The following PRKG1 variants were observed in gnomAD, a reference collection of about 807,000 sequenced individuals.
PRKG1 encodes the protein cGMP-dependent protein kinase 1.
In PRKG1, 35 loss-of-function variants were observed where a neutral mutation model predicts 88.1. The observed-to-expected ratio is 0.40, with a 90% CI of 0.30 to 0.53. The LOEUF (loss-of-function observed/expected upper bound fraction) is 0.53. Among genes scored for constraint, PRKG1 ranks in the 20% least tolerant of loss-of-function variants. The pLI is 0.59. For missense variants in PRKG1, 540 were observed against 839.8 expected (o/e 0.64, Z 4.41); for synonymous variants, 303 against 292.5 (o/e 1.04, Z -0.37).
chr10:51,897,821 C>T (rs767632975), intron 4 of PRKG1, among the ~76,000 whole-genome samples: 10 of 152,124 alleles, frequency 6.6e-5, no homozygotes, highest in Non-Finnish European at 1.2e-4. Context: ...TACCAGCATC[C>T]CCTTTTACTA....
intron 4 of PRKG1, among the ~76,000 whole-genome samples, chr10:51,864,832 G>T (rs1429061308): frequency 6.6e-6 from 1 of 152,076 alleles, no homozygotes; most frequent in Non-Finnish European, 1.5e-5. Context: ...TAATTGTCTT[G>T]ACTTCAACTT....
intron 5 of PRKG1, among the ~76,000 whole-genome samples, chr10:51,979,410 G>GTTTTTTTTTTTGTTT (rs1843937516): frequency 2.1e-5 from 1 of 47,056 alleles, no homozygotes; most frequent in Non-Finnish European, 3.6e-5. Flanking sequence ...ATATTGGTCT[G>GTTTTTTTTTTTGTTT]TTTTTTTTTT....
intron 5 of PRKG1, among the ~76,000 whole-genome samples, chr10:52,041,139 A>T (rs1490739625): frequency 6.6e-6 from 1 of 152,060 alleles, no homozygotes; most frequent in Non-Finnish European, 1.5e-5. Context: ...ACTTGTACTG[A>T]GGTACATATC....
rs1323331167 is a variant in PRKG1 at position 51,737,738 on chromosome 10, TTAATTATTATTA to T, written c.593-66845_593-66834del. On this transcript the variant is annotated intron_variant, in intron 3 of 17. Coordinates refer to ENST00000373980, the MANE Select transcript of PRKG1 (RefSeq NM_006258.4). ...ATTTATTTATTTATTTATTTATTTATTAATTATTATTATTATTATTATTATTATTATTATTAT... is the reference window on the plus strand; with the variant it reads ...ATTTATTTATTTATTTATTTATTTATTTATTATTATTATTATTATTATTAT... Among the ~76,000 whole-genome samples, 227 of 132,688 alleles carry T rather than the reference TTAATTATTATTA, an allele frequency of 1.7e-3. 1 individual carries two copies. Among genetic ancestry groups the T allele is most frequent in the African/African-American group, 5.9e-3 (210 of 35,778 alleles). 87.0% of individuals were successfully genotyped at this position (132,688 alleles called of 152,430 possible). A position where few individuals can be genotyped will look rare whatever the true frequency, so the allele number is the denominator to read the frequency against.
intron 9 of PRKG1, among the ~76,000 whole-genome samples, chr10:52,228,101 T>C (rs1449130015): frequency 6.6e-6 from 1 of 152,090 alleles, no homozygotes; most frequent in African/African-American, 2.4e-5. Context: ...AATTTGAAGG[T>C]CGAGTGTGGG....
intron 4 of PRKG1, among the ~76,000 whole-genome samples, chr10:51,815,048 T>A (rs1041877363): frequency 7.2e-5 from 11 of 152,210 alleles, no homozygotes; most frequent in Admixed American, 2.0e-4. Flanking sequence ...TTCATTGTGC[T>A]GGCCTCTCCC....
intron 2 of PRKG1, among the ~76,000 whole-genome samples, chr10:51,403,231 G>A (rs560443328): frequency 1.3e-5 from 2 of 152,268 alleles, no homozygotes; most frequent in Admixed American, 1.3e-4. Flanking sequence ...GCCATCAGAT[G>A]ATTTGCAAAG....
At chr10:51,982,214 C>T (rs531102892) in intron 5 of PRKG1, among the ~76,000 whole-genome samples, 1 of 152,154 alleles carries the variant, frequency 6.6e-6, no homozygotes, top group Non-Finnish European at 1.5e-5. Flanking sequence ...GCTCCTGTAT[C>T]ATTTTATTGT....
intron 14 of PRKG1, 110 bp downstream of exon 14, chr10:52,282,426 T>A: frequency 2.7e-6 from 3 of 1,095,016 alleles, no homozygotes; most frequent in Non-Finnish European, 3.7e-6. Flanking sequence ...CACCATATCT[T>A]GGTACCACAG....
intron 2 of PRKG1, among the ~76,000 whole-genome samples, chr10:51,165,299 AG>A (rs1846505296): frequency 6.6e-6 from 1 of 151,808 alleles, no homozygotes; most frequent in South Asian, 2.1e-4. Flanking sequence ...AGCCAAACTA[AG>A]CTTCATAAGT....
intron 2 of PRKG1, among the ~76,000 whole-genome samples, chr10:51,423,399 T>C (rs1838475053): frequency 6.6e-6 from 1 of 152,226 alleles, no homozygotes; most frequent in African/African-American, 2.4e-5. Context: ...TTTCTTCATA[T>C]CTCTTTGTCT....
At chr10:51,636,048 A>T (rs924532507) in intron 3 of PRKG1, among the ~76,000 whole-genome samples, 2 of 152,206 alleles carry the variant, frequency 1.3e-5, no homozygotes, top group African/African-American at 4.8e-5. Flanking sequence ...GATGAAATTT[A>T]TGAAGTCATA....
At position 52,148,957 on chromosome 10, in the gene PRKG1, C is replaced by CTTTTTTTTTTTTTTTTTTTTTTT. The variant is rs71904885; in HGVS notation, c.1002-12928_1002-12906dup. 1.3e-4 allele frequency among the ~76,000 whole-genome samples: 7 copies of CTTTTTTTTTTTTTTTTTTTTTTT among 55,166 alleles called. 1 individual carries two copies. The highest frequency in any genetic ancestry group is 5.3e-4 in the African/African-American group (7 of 13,332). 36.2% of individuals were successfully genotyped at this position (55,166 alleles called of 152,430 possible). A position where few individuals can be genotyped will look rare whatever the true frequency, so the allele number is the denominator to read the frequency against. ...TATTTGACCACAGAGGATAGTTTTG[C>CTTTTTTTTTTTTTTTTTTTTTTT]TTTTTTTTTTTTTTTTTTTTTTTTT... is the stretch of plus-strand genomic sequence containing the variant. On this transcript the variant is annotated intron_variant, in intron 8 of 17. Transcript: ENST00000373980.
intron 5 of PRKG1, among the ~76,000 whole-genome samples, chr10:51,919,937 A>G (rs1379601827): frequency 6.6e-6 from 1 of 152,182 alleles, no homozygotes; most frequent in African/African-American, 2.4e-5. Context: ...GTTGAATCAG[A>G]AGTCTGAGTA....
chr10:52,176,634 A>T (rs1187851675), intron 9 of PRKG1, among the ~76,000 whole-genome samples: 1 of 152,120 alleles, frequency 6.6e-6, no homozygotes, highest in Non-Finnish European at 1.5e-5. Context: ...TAACAGTATT[A>T]ATTCTGATCC....
intron 2 of PRKG1, among the ~76,000 whole-genome samples, chr10:51,458,285 G>A (rs533137086): frequency 6.6e-6 from 1 of 152,244 alleles, no homozygotes; most frequent in Admixed American, 6.5e-5. Context: ...TTGATACTTT[G>A]AATTATTGTT....
intron 5 of PRKG1, among the ~76,000 whole-genome samples, chr10:52,017,348 G>A (rs1216426477): frequency 6.6e-6 from 1 of 152,170 alleles, no homozygotes; most frequent in African/African-American, 2.4e-5. Context: ...AGTCAAACCA[G>A]ACAGTGTCAT....
intron 14 of PRKG1, among the ~76,000 whole-genome samples, chr10:52,285,828 AAG>A (rs753556432): frequency 6.6e-6 from 1 of 152,074 alleles, no homozygotes; most frequent in African/African-American, 2.4e-5. Flanking sequence ...TGCTGTAAGT[AAG>A]AGAAAATAAA....
chr10:51,577,286 A>G (rs542876169), intron 3 of PRKG1, among the ~76,000 whole-genome samples: 25 of 152,036 alleles, frequency 1.6e-4, no homozygotes, highest in Non-Finnish European at 3.5e-4. Flanking sequence ...AAAATGTAAA[A>G]AGCAAAAATA....
Sources: allele counts gnomAD v4.1 joint callset (sites outside exome capture counted in the v4.1 genomes callset), GRCh38; gene constraint gnomAD v4.1.1; transcripts MANE v1.5; gene names NCBI Gene and HGNC (gene_info 2026-07-23, HGNC 2026-07-21).